Variants in UQCRC1 observed in about 807,000 individuals in gnomAD.
The protein encoded by UQCRC1 is cytochrome b-c1 complex subunit 1, mitochondrial.
In UQCRC1, 34 loss-of-function variants were observed where a neutral mutation model predicts 58.0. The observed-to-expected ratio is 0.59, with a 90% CI of 0.45 to 0.78. The LOEUF (loss-of-function observed/expected upper bound fraction) is 0.78, where lower values mean the gene tolerates loss of function less well. Among genes scored for constraint, UQCRC1 ranks in the 30% least tolerant of loss-of-function variants. UQCRC1 has a pLI of 0.00. For synonymous variants in UQCRC1, 276 were observed against 248.8 expected (o/e 1.11, Z -1.03); for missense variants, 610 against 646.0 (o/e 0.94, Z 0.60).
In UQCRC1 at chr3:48,599,037, G is replaced by A. The variant is rs2046335683; in HGVS notation, c.*91C>T. 1.4e-6 allele frequency: 2 copies of A among 1,437,270 alleles called. No homozygotes were observed. The highest frequency in any genetic ancestry group is 2.3e-5 in the East Asian group (1 of 42,574). The allele number at this position is 1,437,270 out of a possible 1,614,324, so 89.0% of individuals were successfully genotyped here. A position where few individuals can be genotyped will look rare whatever the true frequency, so the allele number is the denominator to read the frequency against. The stretch of plus-strand genomic sequence containing the variant: ...AGGATTTTATTGGTGGTCACCTGTG[G>A]CACAGGTTAGAGGAGCCGAAGTGCT... On this transcript the variant is annotated 3_prime_UTR_variant, in exon 13 of 13. Transcript: ENST00000203407.
chr3:48,604,249 G>A lies in UQCRC1; in HGVS notation c.610C>T (p.Pro204Ser). 6.2e-7 allele frequency: 1 copy of A among 1,612,658 alleles called. No individual in the cohort carries two copies. The highest frequency in any genetic ancestry group is 8.5e-7 in the Non-Finnish European group (1 of 1,180,020). ...AACTCTCACCTGACATTCTCACTGGGCCCCTCCACAGCCTGGGCTAGAGGT... is the reference window on the plus strand; with the variant it reads ...AACTCTCACCTGACATTCTCACTGGACCCCTCCACAGCCTGGGCTAGAGGT... ...GTPLAQAVEG[P>S]SENVRKLSRA... The change falls in exon 5 of 13, where the codon CCC becomes TCC. Residue 204 changes from proline to serine, a missense_variant. Pro to Ser is a moderately conservative substitution (Grantham distance 74, BLOSUM62 -1). Coordinates refer to ENST00000203407, the MANE Select transcript of UQCRC1 (RefSeq NM_003365.3).
In UQCRC1 at chr3:48,609,636, G is replaced by A. The variant is rs931040065; in HGVS notation, c.-16C>T. On this transcript the variant is annotated 5_prime_UTR_variant, in exon 1 of 13. Coordinates refer to ENST00000203407, the MANE Select transcript of UQCRC1 (RefSeq NM_003365.3). ...ACGCCGCCATCTTCCAGCTGCAGTC[G>A]GCCCTGTTGCGCCGCGCAAGCGTAG... is the stretch of plus-strand genomic sequence containing the variant. 3 of 1,551,974 alleles carry A rather than the reference G, an allele frequency of 1.9e-6. No individual in the cohort carries two copies. The highest frequency in any genetic ancestry group is 2.4e-5 in the East Asian group (1 of 41,798).
Position 48,602,517 on chromosome 3 carries a change from A to G in UQCRC1, c.706+1047T>C, listed in dbSNP as rs554004597. Among the ~76,000 whole-genome samples the G allele has an allele frequency of 8.9e-5, 13 of 145,562 alleles. No individual in the cohort carries two copies. In the East Asian group the frequency reaches 2.6e-3, roughly 29 times the overall value. On this transcript the variant is annotated intron_variant, in intron 6 of 12. Coordinates refer to ENST00000203407, the MANE Select transcript of UQCRC1 (RefSeq NM_003365.3). ...CCGCCAAGGTCATAAGCTGGGAAGC[A>G]TGTTTGTTTTTTTTTTTTTTTTTGA...
At chr3:48,603,713 G>A in intron 5 of UQCRC1, 70 bp from the exon 6 acceptor site, 3 of 1,420,678 alleles carry the variant, frequency 2.1e-6, no homozygotes, top group Non-Finnish European at 2.9e-6. Context: ...ATGCATGAAT[G>A]GGACTGAGGA....
rs200945906 is a variant in UQCRC1 at position 48,600,164 on chromosome 3, G to C, written c.1214-13C>G. On this transcript the variant is annotated splice_polypyrimidine_tract_variant and intron_variant, in intron 10 of 12. Transcript: ENST00000203407. ...ACAGGAGTAGTGCCTTTAAGGGTGA[G>C]AGAAGGCTCAGAGGTCCACCCAGCC... 2 of 1,613,796 alleles carry C rather than the reference G, an allele frequency of 1.2e-6. No individual in the cohort carries two copies. Among genetic ancestry groups the C allele is most frequent in the Non-Finnish European group, 1.7e-6 (2 of 1,179,854 alleles).
Position 48,601,589 on chromosome 3 carries a change from C to T in UQCRC1, c.707-122G>A, listed in dbSNP as rs1206001365. The T allele has an allele frequency of 1.1e-5, 10 of 871,514 alleles. No individual in the cohort carries two copies. In the East Asian group the frequency reaches 2.7e-4, roughly 23 times the overall value. 54.0% of individuals were successfully genotyped at this position (871,514 alleles called of 1,614,324 possible). ...AGTGGGAGAAACCAGGAGTATGTGA[C>T]ATTAGAACAGGGTGAGGAAAGAAGG... On this transcript the variant is annotated intron_variant, in intron 6 of 12. Coordinates refer to ENST00000203407, the MANE Select transcript of UQCRC1 (RefSeq NM_003365.3).
At chr3:48,601,523 G>A in intron 6 of UQCRC1, 56 bp from the exon 7 acceptor site, 1 of 1,551,608 alleles carries the variant, frequency 6.4e-7, no homozygotes, top group Non-Finnish European at 8.8e-7. Context: ...CACAGGGTGG[G>A]GCGATTCACA....
At chr3:48,605,920 C>T in intron 2 of UQCRC1, 64 bp from the exon 3 acceptor site, 1 of 1,509,448 alleles carries the variant, frequency 6.6e-7, no homozygotes. Flanking sequence ...ACTCACACCC[C>T]ACCTGAGTGA....
At chr3:48,603,729 A>C in intron 5 of UQCRC1, 86 bp from the exon 6 acceptor site, 1 of 1,241,800 alleles carries the variant, frequency 8.1e-7, no homozygotes, top group Non-Finnish European at 1.2e-6. Context: ...GAGGAGGCAG[A>C]CTAGGAGAGG....
At chr3:48,603,743 G>C in intron 5 of UQCRC1, 100 bp from the exon 6 acceptor site, 2 of 1,123,904 alleles carry the variant, frequency 1.8e-6, no homozygotes, top group Non-Finnish European at 2.6e-6. Flanking sequence ...GGAGAGGCAT[G>C]GTTTCTCCGA....
chr3:48,599,367 G>T, intron 12 of UQCRC1, 175 bp from the exon 13 acceptor site: 3 of 775,878 alleles, frequency 3.9e-6, no homozygotes, highest in Non-Finnish European at 6.1e-6. Context: ...TCATGTTCTG[G>T]CCCTTGAAGC....
intron 3 of UQCRC1, 61 bp downstream of exon 3, chr3:48,605,709 A>G: frequency 6.5e-7 from 1 of 1,532,470 alleles, no homozygotes; most frequent in African/African-American, 1.4e-5. Flanking sequence ...TCTGACCTTC[A>G]TCCTCAGGAG....
At position 48,601,076 on chromosome 3, in the gene UQCRC1, T is replaced by C. The variant is rs375708886; in HGVS notation, c.865A>G (p.Ile289Val). The C allele has an allele frequency of 3.1e-6, 5 of 1,607,928 alleles. No individual in the cohort carries two copies. In the African/African-American group the frequency reaches 4.0e-5, roughly 13 times the overall value. ...DDALPFAHVAIAVEGPGWASP... is the reference protein window; with the variant it reads ...DDALPFAHVAVAVEGPGWASP... ...GCCCAGCCAGGACCCTCTACTGCAA[T>C]GGCCACGTGGGCAAAAGGTAGAGCA... is the stretch of plus-strand genomic sequence containing the variant. The change falls in exon 8 of 13, where the codon ATT (isoleucine) becomes GTT (valine). Residue 289 changes from isoleucine to valine, a missense_variant. Coordinates refer to ENST00000203407, the MANE Select transcript of UQCRC1 (RefSeq NM_003365.3).
rs1045623213 is a variant in UQCRC1, at chr3:48,599,393, G to A, written c.1379-201C>T. On this transcript the variant is annotated intron_variant, in intron 12 of 12. Coordinates refer to ENST00000203407, the MANE Select transcript of UQCRC1 (RefSeq NM_003365.3). ...CCCTTGAAGCCCCACCCCACATGGA[G>A]GTGCCCGTTACCTGACGGGTGCAGG... 7 of 707,316 alleles carry A rather than the reference G, an allele frequency of 9.9e-6. No individual in the cohort carries two copies. In the African/African-American group the frequency reaches 1.1e-4, roughly 11 times the overall value. The allele number at this position is 707,316 out of a possible 1,614,324, so 43.8% of individuals were successfully genotyped here.
In UQCRC1 at chr3:48,600,485, C is replaced by A. The variant is rs1391608923; in HGVS notation, c.1210G>T (p.Asp404Tyr). ...ILRNALVSHLDGTTPVCEDIG... is the reference protein window; with the variant it reads ...ILRNALVSHLYGTTPVCEDIG... ...CCCGCTGAGCTGTAGGACTCACCAT[C>A]TAGATGAGATACCAGGGCATTTCTG... Residue 404 changes from aspartate (D) to tyrosine (Y), a missense_variant, in exon 10 of 13, where the codon GAT becomes TAT. Asp to Tyr is a radical substitution (Grantham distance 160, BLOSUM62 -3). Transcript: ENST00000203407. 1 of 1,614,148 alleles carries A rather than the reference C, an allele frequency of 6.2e-7. No homozygotes were observed. Among genetic ancestry groups the A allele is most frequent in the Non-Finnish European group, 8.5e-7 (1 of 1,180,030 alleles).
chr3:48,600,952 C>G, intron 8 of UQCRC1, 23 bp downstream of exon 8: 4 of 1,601,556 alleles, frequency 2.5e-6, no homozygotes, highest in Non-Finnish European at 3.4e-6. Flanking sequence ...AAGGCGAGGT[C>G]CCATGCTCGC....
At position 48,609,579 on chromosome 3, in the gene UQCRC1, T is replaced by G. The variant is rs750849318; in HGVS notation, c.42A>C (p.Ala14=). 12 of 1,571,714 alleles carry G rather than the reference T, an allele frequency of 7.6e-6. 1 individual carries two copies. The Admixed American group carries it at 1.1e-4, about 14-fold the overall frequency. The part of the protein sequence containing the change: ...SVVCRAATAG[A]QVLLRARRSP... ...AGCGGCGGGCGCGCAATAGCACTTG[T>G]GCCCCGGCGGTAGCGGCCCGACAGA... Residue 14 remains alanine (A), a synonymous_variant, in exon 1 of 13, where the codon GCA becomes GCC. Coordinates refer to ENST00000203407, the MANE Select transcript of UQCRC1 (RefSeq NM_003365.3).
Position 48,604,573 on chromosome 3 carries a change from T to C in UQCRC1, c.427+78A>G, listed in dbSNP as rs550146082. 5 of 1,603,482 alleles carry C rather than the reference T, an allele frequency of 3.1e-6. No homozygotes were observed. The East Asian group carries it at 1.1e-4, about 36-fold the overall frequency. On this transcript the variant is annotated intron_variant, in intron 4 of 12. Coordinates refer to ENST00000203407, the MANE Select transcript of UQCRC1 (RefSeq NM_003365.3). ...CCATACGCTAAGGGTAATATGATTC[T>C]GTGGTCAGCCAGGGGCTCCTAGGTA...
intron 3 of UQCRC1, among the ~76,000 whole-genome samples, chr3:48,605,308 A>T (rs919174323): frequency 4.6e-5 from 7 of 152,220 alleles, no homozygotes; most frequent in African/African-American, 1.7e-4. Context: ...GTGACATTGC[A>T]GCTGGCTAGG....
Sources: allele counts gnomAD v4.1 joint callset (sites outside exome capture counted in the v4.1 genomes callset), GRCh38; gene constraint gnomAD v4.1.1; transcripts MANE v1.5; gene names NCBI Gene and HGNC (gene_info 2026-07-23, HGNC 2026-07-21).